ADAMTSL3: variants seen among roughly 807,000 people sequenced by gnomAD.
ADAMTSL3 encodes ADAMTS-like protein 3.
A neutral mutation model predicts 201.7 loss-of-function variants in ADAMTSL3; 128 were observed. That is an observed-to-expected ratio of 0.63 (90% CI 0.55 to 0.73). The LOEUF (loss-of-function observed/expected upper bound fraction) is 0.73. ADAMTSL3 is among the 30% of genes least tolerant of loss of function. The pLI, the probability that ADAMTSL3 is intolerant of heterozygous loss-of-function variation, is 0.00. For missense variants in ADAMTSL3, 1,990 were observed against 2,119.6 expected, an observed-to-expected ratio of 0.94 and a Z score of 1.20; for synonymous variants, 738 against 748.4, an observed-to-expected ratio of 0.99 and a Z score of 0.23.
intron 3 of ADAMTSL3, among the ~76,000 whole-genome samples, chr15:83,736,523 C>T (rs2062371838): frequency 6.6e-6 from 1 of 152,076 alleles, no homozygotes; most frequent in African/African-American, 2.4e-5. Flanking sequence ...AGTTTATATA[C>T]ATGGATAAAT....
chr15:83,699,011 A>G (rs1352329962), intron 2 of ADAMTSL3, among the ~76,000 whole-genome samples: 6 of 152,020 alleles, frequency 3.9e-5, no homozygotes, highest in Admixed American at 1.3e-4. Flanking sequence ...AATTTCAAAT[A>G]TTAGAATTGA....
intron 16 of ADAMTSL3, among the ~76,000 whole-genome samples, chr15:83,923,204 T>C (rs1421357658): frequency 6.6e-6 from 1 of 152,200 alleles, no homozygotes; most frequent in Non-Finnish European, 1.5e-5. Flanking sequence ...TTTTTAGGCT[T>C]GAATCTACCA....
chr15:83,871,498 A>T (rs1210584191), intron 9 of ADAMTSL3, among the ~76,000 whole-genome samples: 1 of 152,182 alleles, frequency 6.6e-6, no homozygotes, highest in African/African-American at 2.4e-5. Flanking sequence ...CTCCTTTAAG[A>T]TAGTTATCCT....
chr15:83,734,937 C>A (rs567187855), intron 3 of ADAMTSL3, among the ~76,000 whole-genome samples: 3 of 152,062 alleles, frequency 2.0e-5, no homozygotes, highest in South Asian at 4.1e-4. Flanking sequence ...TGAACACCGA[C>A]AGAAAGTAGG....
intron 6 of ADAMTSL3, 46 bp from the exon 7 acceptor site, chr15:83,838,043 C>A (rs770468838): frequency 7.6e-6 from 12 of 1,580,804 alleles, no homozygotes; most frequent in African/African-American, 1.4e-5. Flanking sequence ...AGAGCTCCCC[C>A]TCCCCTGGCT....
At chr15:83,932,536 A>G (rs2066379147) in intron 17 of ADAMTSL3, among the ~76,000 whole-genome samples, 1 of 152,192 alleles carries the variant, frequency 6.6e-6, no homozygotes, top group Non-Finnish European at 1.5e-5. Context: ...TCAAAAAATG[A>G]AATCCATCCT....
intron 2 of ADAMTSL3, among the ~76,000 whole-genome samples, chr15:83,701,815 G>A (rs549068066): frequency 1.3e-5 from 2 of 152,230 alleles, no homozygotes; most frequent in East Asian, 3.9e-4. Flanking sequence ...CATGAAATTG[G>A]ACTAATTCAG....
intron 3 of ADAMTSL3, among the ~76,000 whole-genome samples, chr15:83,714,797 CTCTTTCTTTCT>C (rs1172695752): frequency 2.0e-5 from 1 of 50,248 alleles, no homozygotes; most frequent in Non-Finnish European, 4.9e-5. Flanking sequence ...TTCTTTCTCT[CTCTTTCTTTCT>C]TCTTTCTTTC....
intron 3 of ADAMTSL3, among the ~76,000 whole-genome samples, chr15:83,746,185 A>G (rs1024640907): frequency 7.2e-5 from 11 of 151,908 alleles, no homozygotes; most frequent in East Asian, 3.9e-4. Flanking sequence ...AGAATTGCCT[A>G]TGTCCCTTTG....
At chr15:83,842,087 C>G (rs757493364) in intron 7 of ADAMTSL3, among the ~76,000 whole-genome samples, 2 of 151,078 alleles carry the variant, frequency 1.3e-5, no homozygotes, top group Non-Finnish European at 3.0e-5. Context: ...CTACTGAGAG[C>G]TACCTCTACC....
intron 3 of ADAMTSL3, among the ~76,000 whole-genome samples, chr15:83,745,860 A>G (rs2062537231): frequency 2.6e-5 from 4 of 152,242 alleles, no homozygotes; most frequent in Non-Finnish European, 5.9e-5. Flanking sequence ...TGTCATGGAA[A>G]GAGGCTGTCT....
At chr15:83,894,279 A>G (rs10520575) in intron 13 of ADAMTSL3, among the ~76,000 whole-genome samples, 21,092 of 152,224 alleles carry the variant, frequency 0.14, 1,897 homozygotes, top group Middle Eastern at 0.33. Context: ...ACTTTATTCA[A>G]ACTTGCTGGG....
At chr15:83,899,500 A>G (rs2065682624) in intron 14 of ADAMTSL3, 147 bp from the exon 15 acceptor site, 4 of 609,876 alleles carry the variant, frequency 6.6e-6, no homozygotes, top group Admixed American at 3.4e-5. Flanking sequence ...TCCAGCAGCC[A>G]CCTAATGTAT....
chr15:83,982,712 C>A lies in ADAMTSL3; in HGVS notation c.3084C>A (p.Val1028=). 1 of 1,614,018 alleles carries A rather than the reference C, an allele frequency of 6.2e-7. No homozygotes were observed. Among genetic ancestry groups the A allele is most frequent in the Non-Finnish European group, 8.5e-7 (1 of 1,180,026 alleles). The change falls in exon 21 of 30, where the codon GTC becomes GTA. Residue 1028 remains valine (V), a synonymous_variant. Coordinates refer to ENST00000286744, the MANE Select transcript of ADAMTSL3 (RefSeq NM_207517.3). The part of the protein sequence containing the change: ...MDHSEANSLG[V]TWHKMRQMWN... ...ACAGCGAAGCCAATAGTTTGGGAGT[C>A]ACATGGCACAAAATGAGGCAAATGT...
At chr15:83,967,438 A>C (rs1218995904) in intron 19 of ADAMTSL3, among the ~76,000 whole-genome samples, 1 of 152,202 alleles carries the variant, frequency 6.6e-6, no homozygotes, top group Non-Finnish European at 1.5e-5. Context: ...AATTGCTACA[A>C]AGAGAATAAA....
chr15:83,672,400 T>C (rs2061340239), intron 2 of ADAMTSL3, among the ~76,000 whole-genome samples: 1 of 152,170 alleles, frequency 6.6e-6, no homozygotes, highest in African/African-American at 2.4e-5. Flanking sequence ...TATTGACATC[T>C]TTTGCTAAGG....
chr15:83,850,064 C>T (rs930902245), intron 7 of ADAMTSL3, among the ~76,000 whole-genome samples: 1 of 151,776 alleles, frequency 6.6e-6, no homozygotes, highest in African/African-American at 2.4e-5. Context: ...CACCATAATA[C>T]AAAAACTGAT....
chr15:83,804,177 C>T (rs902330790), intron 4 of ADAMTSL3, among the ~76,000 whole-genome samples: 1 of 152,066 alleles, frequency 6.6e-6, no homozygotes, highest in African/African-American at 2.4e-5. Context: ...AAGCAAATTT[C>T]TAACAAAGAC....
intron 17 of ADAMTSL3, among the ~76,000 whole-genome samples, chr15:83,926,746 G>A (rs2066253832): frequency 6.6e-6 from 1 of 151,868 alleles, no homozygotes; most frequent in Non-Finnish European, 1.5e-5. Flanking sequence ...CTCCTGAGTA[G>A]CTGGGGTCAC....
Sources: allele counts gnomAD v4.1 joint callset (sites outside exome capture counted in the v4.1 genomes callset), GRCh38; gene constraint gnomAD v4.1.1; transcripts MANE v1.5; gene names NCBI Gene and HGNC (gene_info 2026-07-23, HGNC 2026-07-21).